Variants in USP9X observed in about 807,000 individuals in gnomAD.
USP9X encodes the protein ubiquitin specific peptidase 9 X-linked, also known as ubiquitin carboxyl-terminal hydrolase 9X.
A neutral mutation model predicts 190.3 loss-of-function variants in USP9X; 7 were observed. The ratio of observed to expected loss-of-function variants is 0.04; its 90% CI spans 0.02 to 0.07. The LOEUF (loss-of-function observed/expected upper bound fraction) is 0.07. Among genes scored for constraint, USP9X ranks in the 10% least tolerant of loss-of-function variants. The pLI is 1.00. For synonymous variants in USP9X, 645 were observed against 659.5 expected (o/e 0.98, Z 0.34); for missense variants, 1,010 against 1,916.9 (o/e 0.53, Z 8.83).
At position 41,187,473 on chromosome X, in the gene USP9X, C is replaced by T. The variant is rs1034748038; in HGVS notation, c.3685-519C>T. 2.7e-5 allele frequency among the ~76,000 whole-genome samples: 3 copies of T among 112,464 alleles called. No individual in the cohort carries two copies. The South Asian group carries it at 1.1e-3, about 41-fold the overall frequency. Reference sequence around the variant, plus strand: ...TGGTGAAGGACAGTTGGATCATTTTCCCTTTTTGGCTGTGAATAAAGCTGA... The same window carrying T: ...TGGTGAAGGACAGTTGGATCATTTTTCCTTTTTGGCTGTGAATAAAGCTGA... On this transcript the variant is annotated intron_variant, in intron 24 of 44. Transcript: ENST00000378308.
In USP9X at chrX:41,234,160, A is replaced by T. The variant is rs4827256; in HGVS notation, c.*1636A>T. ...ACATCAAGTTTTTGTGCACAGAAAG[A>T]TTTGACCTTTGGCCCTCTACTGAAG... On this transcript the variant is annotated 3_prime_UTR_variant, in exon 45 of 45. Transcript: ENST00000378308. 0.41 allele frequency: 45,212 copies of T among 109,117 alleles called. 7,050 individuals carry two copies. The highest frequency in any genetic ancestry group is 0.52 in the East Asian group (1,803 of 3,447). 9.0% of individuals were successfully genotyped at this position (109,117 alleles called of 1,213,427 possible).
intron 35 of USP9X, among the ~76,000 whole-genome samples, chrX:41,216,870 C>G (rs1054887629): frequency 3.6e-5 from 4 of 110,233 alleles, no homozygotes; most frequent in Non-Finnish European, 7.6e-5. Flanking sequence ...TGGTGAAACC[C>G]CATCTCTACT....
chrX:41,175,914 CAG>C (rs2062770937), intron 21 of USP9X, among the ~76,000 whole-genome samples: 1 of 107,024 alleles, frequency 9.3e-6, no homozygotes, highest in Non-Finnish European at 1.9e-5. Flanking sequence ...TTTTTTGAGA[CAG>C]AGTCTCGCCC....
chrX:41,130,091 C>T (rs2062295197), intron 3 of USP9X, among the ~76,000 whole-genome samples: 1 of 111,410 alleles, frequency 9.0e-6, no homozygotes, highest in Non-Finnish European at 1.9e-5. Context: ...TTCAGATTAC[C>T]TTTGTGTTTA....
chrX:41,181,139 A>T (rs1211434356), intron 21 of USP9X, among the ~76,000 whole-genome samples: 1 of 111,791 alleles, frequency 8.9e-6, no homozygotes, highest in Non-Finnish European at 1.9e-5. Context: ...GTAAGCTCTT[A>T]GCACTGATAA....
At chrX:41,095,479 CAT>C (rs1211975925) in intron 1 of USP9X, among the ~76,000 whole-genome samples, 1 of 112,346 alleles carries the variant, frequency 8.9e-6, no homozygotes, top group Non-Finnish European at 1.9e-5. Flanking sequence ...CTACCCCACT[CAT>C]ATGTCTTCAG....
At chrX:41,186,100 G>A (rs143672218) in intron 23 of USP9X, among the ~76,000 whole-genome samples, 1,181 of 110,728 alleles carry the variant, frequency 0.011, 6 homozygotes, top group Non-Finnish European at 0.014. Context: ...TGCTTTTTCA[G>A]TATTCCTTAA....
intron 1 of USP9X, among the ~76,000 whole-genome samples, chrX:41,088,250 A>G (rs749899327): frequency 8.9e-6 from 1 of 111,841 alleles, no homozygotes; most frequent in African/African-American, 3.2e-5. Flanking sequence ...CCCAGTTCTC[A>G]TGTTTTATCT....
At chrX:41,139,664 C>CA (rs915899122) in intron 6 of USP9X, among the ~76,000 whole-genome samples, 3 of 111,948 alleles carry the variant, frequency 2.7e-5, no homozygotes, top group Non-Finnish European at 5.7e-5. Context: ...CATCTCAAAA[C>CA]AAAAAAACAC....
At chrX:41,213,451 G>T (rs2147239248) in intron 33 of USP9X, among the ~76,000 whole-genome samples, 2 of 111,882 alleles carry the variant, frequency 1.8e-5, no homozygotes, top group East Asian at 5.6e-4. Flanking sequence ...ACACATTTAG[G>T]GTAAGCTAGG....
intron 39 of USP9X, among the ~76,000 whole-genome samples, chrX:41,224,183 G>A (rs2063291319): frequency 9.1e-6 from 1 of 110,202 alleles, no homozygotes; most frequent in South Asian, 3.9e-4. Flanking sequence ...CTCCAGCCTA[G>A]GTGACACAGT....
Position 41,134,853 on chromosome X carries a change from G to T in USP9X, c.435+16G>T. The T allele has an allele frequency of 8.7e-7, 1 of 1,146,527 alleles. No homozygotes were observed. The highest frequency in any genetic ancestry group is 1.8e-5 in the South Asian group (1 of 54,971). 94.5% of individuals were successfully genotyped at this position (1,146,527 alleles called of 1,213,427 possible). A position where few individuals can be genotyped will look rare whatever the true frequency, so the allele number is the denominator to read the frequency against. ...TGAAATTCATGTGAGTCTTGCATTT[G>T]ACTTTAAAGGATCAGATTTACATAG... On this transcript the variant is annotated intron_variant, in intron 5 of 44. Transcript: ENST00000378308.
At chrX:41,182,639 T>C (rs1196991057) in intron 21 of USP9X, among the ~76,000 whole-genome samples, 2 of 110,694 alleles carry the variant, frequency 1.8e-5, no homozygotes, top group Non-Finnish European at 3.8e-5. Context: ...GCTAGGATCT[T>C]TGATGTTTAA....
At chrX:41,170,888 G>A (rs1467946057) in intron 20 of USP9X, among the ~76,000 whole-genome samples, 1 of 111,702 alleles carries the variant, frequency 9.0e-6, no homozygotes, top group Non-Finnish European at 1.9e-5. Context: ...ACTATTGGAT[G>A]TATAAATTTA....
intron 27 of USP9X, 70 bp downstream of exon 27, chrX:41,196,429 G>T (rs1381972115): frequency 2.1e-5 from 24 of 1,134,561 alleles, no homozygotes; most frequent in Non-Finnish European, 2.5e-5. Context: ...GAAATTTGTG[G>T]TTTTAGCTTG....
rs34779889 is a variant in USP9X at position 41,207,079 on chromosome X, C to CTTTTT, written c.5015+1608_5015+1612dup. ...TAGGCATGAGCTACTGCTCCCTGGC[C>CTTTTT]TTTTTTTTTTTTTTTTTTTTTTTTT... On this transcript the variant is annotated intron_variant, in intron 32 of 44. Transcript: ENST00000378308. Among the ~76,000 whole-genome samples, 3 of 30,486 alleles carry CTTTTT rather than the reference C, an allele frequency of 9.8e-5. 1 individual carries two copies. Among genetic ancestry groups the CTTTTT allele is most frequent in the African/African-American group, 4.8e-4 (3 of 6,248 alleles). The allele number at this position is 30,486 out of a possible 115,157, so 26.5% of individuals were successfully genotyped here. A position where few individuals can be genotyped will look rare whatever the true frequency, so the allele number is the denominator to read the frequency against.
At chrX:41,218,723 A>G (rs2063234846) in intron 37 of USP9X, 126 bp downstream of exon 37, 1 of 604,301 alleles carries the variant, frequency 1.7e-6, no homozygotes, top group Non-Finnish European at 2.6e-6. Flanking sequence ...ACACAATATG[A>G]TGTCAGTGAG....
chrX:41,145,471 CATAGA>C (rs909144153), intron 11 of USP9X, among the ~76,000 whole-genome samples: 2 of 111,694 alleles, frequency 1.8e-5, no homozygotes, highest in African/African-American at 6.5e-5. Context: ...ATAGATAAAA[CATAGA>C]ATAGATAAAT....
intron 14 of USP9X, among the ~76,000 whole-genome samples, chrX:41,156,921 T>C (rs1397411413): frequency 9.0e-6 from 1 of 111,723 alleles, no homozygotes; most frequent in African/African-American, 3.3e-5. Context: ...ACCAGAAATT[T>C]AACAGAAAGA....
Sources: gnomAD v4.1 joint callset for allele counts (sites outside exome capture counted in the v4.1 genomes callset) on GRCh38, gnomAD v4.1.1 for gene constraint, MANE v1.5 for transcripts, NCBI Gene and HGNC (gene_info 2026-07-23, HGNC 2026-07-21) for gene names.